Variants in PRKN observed in about 807,000 individuals in gnomAD.
PRKN encodes E3 ubiquitin-protein ligase parkin.
In PRKN, 56 loss-of-function variants were observed where a neutral mutation model predicts 59.5. The observed-to-expected ratio is 0.94, with a 90% CI of 0.76 to 1.18. The LOEUF is 1.18. PRKN is among the 50% of genes most tolerant of loss of function. The pLI is 0.00. For missense variants in PRKN, 657 were observed against 596.4 expected (o/e 1.10, Z -1.06); for synonymous variants, 250 against 222.1 (o/e 1.13, Z -1.12).
At chr6:162,400,233 A>AC (rs200965249) in intron 2 of PRKN, among the ~76,000 whole-genome samples, 89 of 149,212 alleles carry the variant, frequency 6.0e-4, no homozygotes, top group African/African-American at 1.6e-3. Context: ...AACAACAACA[A>AC]AAAAAAAAAA....
At chr6:162,469,098 TAAA>T (rs930092919) in intron 1 of PRKN, among the ~76,000 whole-genome samples, 2 of 152,056 alleles carry the variant, frequency 1.3e-5, no homozygotes, top group African/African-American at 4.8e-5. Context: ...CAGTACTCTA[TAAA>T]AATCTATTGT....
chr6:162,648,976 T>C (rs907227190), intron 1 of PRKN, among the ~76,000 whole-genome samples: 1 of 152,120 alleles, frequency 6.6e-6, no homozygotes, highest in Non-Finnish European at 1.5e-5. Context: ...CCACGTTTCT[T>C]GAAGAGAAGG....
intron 2 of PRKN, among the ~76,000 whole-genome samples, chr6:162,334,055 G>A (rs1238044205): frequency 2.0e-5 from 3 of 152,142 alleles, no homozygotes; most frequent in African/African-American, 4.8e-5. Context: ...TCAATTCTAC[G>A]AAGGCTGAGA....
intron 6 of PRKN, among the ~76,000 whole-genome samples, chr6:161,848,400 C>T (rs1793287745): frequency 6.6e-6 from 1 of 152,062 alleles, no homozygotes; most frequent in South Asian, 2.1e-4. Flanking sequence ...AATGCATTTT[C>T]TTATCATAGG....
At chr6:162,130,411 C>T (rs1329339582) in intron 4 of PRKN, among the ~76,000 whole-genome samples, 2 of 152,024 alleles carry the variant, frequency 1.3e-5, no homozygotes, top group Non-Finnish European at 2.9e-5. Flanking sequence ...CACACGGACA[C>T]GTAATTTTGC....
chr6:161,920,798 A>G (rs1778757271), intron 6 of PRKN, among the ~76,000 whole-genome samples: 1 of 152,028 alleles, frequency 6.6e-6, no homozygotes, highest in South Asian at 2.1e-4. Context: ...AAAAAAAAAA[A>G]AAGAAACGTA....
At chr6:162,049,938 C>A (rs11755261) in intron 5 of PRKN, among the ~76,000 whole-genome samples, 6,627 of 152,208 alleles carry the variant, frequency 0.044, 199 homozygotes, top group Non-Finnish European at 0.064. Flanking sequence ...TACTCTCTCT[C>A]CCACCATGGT....
chr6:162,217,367 A>AT (rs1777726419), intron 3 of PRKN, among the ~76,000 whole-genome samples: 1 of 151,796 alleles, frequency 6.6e-6, no homozygotes, highest in African/African-American at 2.4e-5. Context: ...CACTACTTAC[A>AT]TTTTTTTGTT....
intron 4 of PRKN, among the ~76,000 whole-genome samples, chr6:162,126,547 A>T (rs1315617046): frequency 1.3e-5 from 2 of 152,162 alleles, no homozygotes; most frequent in Non-Finnish European, 2.9e-5. Flanking sequence ...AAGTTTTCTC[A>T]TTGACAAATT....
rs144390278 is a variant in PRKN, at chr6:161,698,434, A to C, written c.871+87338T>G. ...ATTTGTCTAAGAAACCACAGTAGTTAGAATAAATCCTAATTTGGAGAAATT... is the reference window on the plus strand; with the variant it reads ...ATTTGTCTAAGAAACCACAGTAGTTCGAATAAATCCTAATTTGGAGAAATT... On this transcript the variant is annotated intron_variant, in intron 7 of 11. Transcript: ENST00000366898. Among the ~76,000 whole-genome samples the C allele has an allele frequency of 1.6e-3, 240 of 152,316 alleles. 6 individuals carry two copies. In the East Asian group the frequency reaches 0.03, roughly 19 times the overall value.
intron 3 of PRKN, among the ~76,000 whole-genome samples, chr6:162,231,642 T>C (rs969941456): frequency 2.6e-5 from 4 of 152,174 alleles, no homozygotes; most frequent in Non-Finnish European, 4.4e-5. Flanking sequence ...GCCATACACA[T>C]AGCACGGTCC....
At position 162,525,878 on chromosome 6, in the gene PRKN, G is replaced by C. The variant is rs981740191; in HGVS notation, c.8-82405C>G. Among the ~76,000 whole-genome samples the C allele has an allele frequency of 3.9e-5, 6 of 152,038 alleles. No homozygotes were observed. In the East Asian group the frequency reaches 1.2e-3, roughly 29 times the overall value. On this transcript the variant is annotated intron_variant, in intron 1 of 11. Transcript: ENST00000366898. Reference sequence around the variant, plus strand: ...AATTTATTATTATTCTTTGGAGACAGGGTCTCACTCCATTGCCCAGGCTGG... The same window carrying C: ...AATTTATTATTATTCTTTGGAGACACGGTCTCACTCCATTGCCCAGGCTGG...
intron 4 of PRKN, among the ~76,000 whole-genome samples, chr6:162,181,285 T>C (rs868499309): frequency 1.3e-4 from 20 of 152,340 alleles, no homozygotes; most frequent in Non-Finnish European, 2.4e-4. Context: ...GTGGGATTAA[T>C]TACATAAATC....
chr6:162,400,450 T>G (rs1348234504), intron 2 of PRKN, among the ~76,000 whole-genome samples: 1 of 35,756 alleles, frequency 2.8e-5, no homozygotes, highest in Non-Finnish European at 5.0e-5. Context: ...CAGCAACATG[T>G]AAATATCAAA....
Position 161,413,407 on chromosome 6 carries a change from G to A in PRKN, c.1084-26530C>T, listed in dbSNP as rs1231350654. Reference sequence around the variant, plus strand: ...AGCAAAGGGAATGACAGCTGCAGCAGGTCGCCAGTGCATCAACACAGAGTA... The same window carrying A: ...AGCAAAGGGAATGACAGCTGCAGCAAGTCGCCAGTGCATCAACACAGAGTA... On this transcript the variant is annotated intron_variant, in intron 9 of 11. Transcript: ENST00000366898. This position sits in a 1 kb window ranked among gnomAD's most constrained non-coding sequence, Gnocchi z 4.4. 1.3e-5 allele frequency among the ~76,000 whole-genome samples: 2 copies of A among 152,176 alleles called. No individual in the cohort carries two copies. Among genetic ancestry groups the A allele is most frequent in the African/African-American group, 4.8e-5 (2 of 41,432 alleles).
intron 5 of PRKN, among the ~76,000 whole-genome samples, chr6:162,038,300 T>C (rs763320831): frequency 6.6e-6 from 1 of 152,250 alleles, no homozygotes; most frequent in South Asian, 2.1e-4. Flanking sequence ...GGCAAATTGA[T>C]TGTAGTCTTT....
At chr6:162,594,019 G>A (rs1028218455) in intron 1 of PRKN, among the ~76,000 whole-genome samples, 20 of 152,032 alleles carry the variant, frequency 1.3e-4, no homozygotes, top group Admixed American at 1.2e-3. Context: ...GCGTGGTGGC[G>A]TGCGCCTGTA....
chr6:161,534,337 T>C (rs532768282), intron 9 of PRKN, among the ~76,000 whole-genome samples: 7 of 152,294 alleles, frequency 4.6e-5, no homozygotes, highest in African/African-American at 1.7e-4. Flanking sequence ...CATTCTTGAT[T>C]CCAAACCTTT....
chr6:162,661,690 T>C (rs765175115), intron 1 of PRKN, among the ~76,000 whole-genome samples: 13 of 152,240 alleles, frequency 8.5e-5, no homozygotes, highest in Non-Finnish European at 1.8e-4. Context: ...GACAGGGTTA[T>C]GGCTGAAGTA....
Sources: allele counts gnomAD v4.1 joint callset (sites outside exome capture counted in the v4.1 genomes callset), GRCh38; gene constraint gnomAD v4.1.1; non-coding constraint Gnocchi (gnomAD v3.1); transcripts MANE v1.5; gene names NCBI Gene and HGNC (gene_info 2026-07-23, HGNC 2026-07-21).